CX3CR1: variants seen among roughly 807,000 people sequenced by gnomAD.
CX3CR1 encodes C-X3-C motif chemokine receptor 1.
For synonymous variants in CX3CR1, 168 were observed against 178.5 expected, an observed-to-expected ratio of 0.94 and a Z score of 0.47; for missense variants, 363 against 432.4, an observed-to-expected ratio of 0.84 and a Z score of 1.42.
chr3:39,283,524 G>C (rs1239666266), upstream of CX3CR1, among the ~76,000 whole-genome samples: 1 of 151,912 alleles, frequency 6.6e-6, no homozygotes, highest in Non-Finnish European at 1.5e-5. Flanking sequence ...GCTCACGCCT[G>C]TAATTCCAGC....
At chr3:39,269,318 G>T (rs2040745354) in intron 1 of CX3CR1, among the ~76,000 whole-genome samples, 1 of 152,172 alleles carries the variant, frequency 6.6e-6, no homozygotes, top group South Asian at 2.1e-4. Context: ...CAGGCCCTTT[G>T]CCTTACTGGG....
upstream of CX3CR1, chr3:39,280,317 T>C (rs2040881012): frequency 3.0e-6 from 3 of 985,364 alleles, no homozygotes; most frequent in Non-Finnish European, 3.6e-6. Context: ...TCAGCTCTCA[T>C]TAATGGGGAG....
intron 1 of CX3CR1, among the ~76,000 whole-genome samples, chr3:39,267,627 G>T (rs2040720963): frequency 1.3e-5 from 2 of 152,306 alleles, no homozygotes; most frequent in East Asian, 1.9e-4. Context: ...GCTAAGTGAA[G>T]AGAAGGTGTT....
intron 1 of CX3CR1, among the ~76,000 whole-genome samples, chr3:39,276,961 C>T (rs1271794345): frequency 1.3e-5 from 2 of 152,146 alleles, no homozygotes; most frequent in Non-Finnish European, 2.9e-5. Context: ...TTCTCTTTCT[C>T]AGCCTGGATG....
intron 1 of CX3CR1, among the ~76,000 whole-genome samples, chr3:39,276,309 C>T (rs952573994): frequency 6.6e-6 from 1 of 152,224 alleles, no homozygotes; most frequent in African/African-American, 2.4e-5. Flanking sequence ...TAGACACACA[C>T]TGAAGATTAC....
upstream of CX3CR1, chr3:39,280,469 G>C (rs778253346): frequency 3.3e-4 from 328 of 985,264 alleles, no homozygotes; most frequent in Non-Finnish European, 3.7e-4. Context: ...GCTTATTAAA[G>C]ACAGCACCTC....
chr3:39,286,156 C>T (rs2125559272), upstream of CX3CR1: 1 of 152,328 alleles, frequency 6.6e-6, no homozygotes, highest in African/African-American at 2.4e-5. Context: ...TAAACTATTG[C>T]TTTCAGGATT....
the CX3CR1 span, among the ~76,000 whole-genome samples, chr3:39,291,363 T>C: frequency 6.6e-6 from 1 of 152,184 alleles, no homozygotes; most frequent in Non-Finnish European, 1.5e-5. Context: ...AGCCCATAAT[T>C]GACTATTTTG....
At chr3:39,280,717 G>A (rs1010035936), upstream of CX3CR1, among the ~76,000 whole-genome samples, 5 of 152,166 alleles carry the variant, frequency 3.3e-5, no homozygotes, top group African/African-American at 1.2e-4. Context: ...CCTGGCCTAT[G>A]CTCCTTTCAC....
chr3:39,266,845 C>T (rs375948427), intron 1 of CX3CR1, among the ~76,000 whole-genome samples: 6 of 151,566 alleles, frequency 4.0e-5, no homozygotes, highest in African/African-American at 7.3e-5. Flanking sequence ...TGCAGTGGTG[C>T]GATCTCAGCT....
rs2040680690 is a variant in CX3CR1, at chr3:39,265,363, A to G, written c.*79T>C. The G allele has an allele frequency of 1.4e-6, 2 of 1,443,720 alleles. No homozygotes were observed. The highest frequency in any genetic ancestry group is 1.9e-6 in the Non-Finnish European group (2 of 1,070,178). 89.4% of individuals were successfully genotyped at this position (1,443,720 alleles called of 1,614,324 possible). A position where few individuals can be genotyped will look rare whatever the true frequency, so the allele number is the denominator to read the frequency against. ...CATTTTGTGCCTGTAAGAAATAACA[A>G]CAAAAATCTTTCCTCACTAGTCAGC... On this transcript the variant is annotated 3_prime_UTR_variant, in exon 2 of 2. Coordinates refer to ENST00000399220, the MANE Select transcript of CX3CR1 (RefSeq NM_001337.4).
rs75128263 is a variant in CX3CR1 at position 39,270,727 on chromosome 3, G to A, written c.-9-4209C>T. On this transcript the variant is annotated intron_variant, in intron 1 of 1. Coordinates refer to ENST00000399220, the MANE Select transcript of CX3CR1 (RefSeq NM_001337.4). ...GAAGGATTGAGGATATGGGAAAGGA[G>A]ACAGTTTTTATGGTAAACTTTTGGA... Among the ~76,000 whole-genome samples the A allele has an allele frequency of 4.5e-4, 69 of 152,336 alleles. 1 individual carries two copies. In the East Asian group the frequency reaches 0.011, roughly 24 times the overall value.
Position 39,266,067 on chromosome 3 carries a change from G to A in CX3CR1, c.443C>T (p.Thr148Ile). Reference sequence around the variant, plus strand: ...TGCTGCCCAGACGCCTAGGCTGATGGTGACGCCATGCTGCACGGTCCGGTT... The same window carrying A: ...TGCTGCCCAGACGCCTAGGCTGATGATGACGCCATGCTGCACGGTCCGGTT... The part of the protein sequence containing the change: ...MNNRTVQHGV[T>I]ISLGVWAAAI... The change falls in exon 2 of 2, where the codon ACC becomes ATC. Residue 148 changes from threonine to isoleucine, a missense_variant. By Grantham distance (89) the Thr-to-Ile change is moderately conservative. Coordinates refer to ENST00000399220, the MANE Select transcript of CX3CR1 (RefSeq NM_001337.4). 6.2e-7 allele frequency: 1 copy of A among 1,614,222 alleles called. No individual in the cohort carries two copies. Among genetic ancestry groups the A allele is most frequent in the Non-Finnish European group, 8.5e-7 (1 of 1,180,048 alleles).
At chr3:39,271,659 T>C (rs1944385950) in intron 1 of CX3CR1, among the ~76,000 whole-genome samples, 1 of 152,238 alleles carries the variant, frequency 6.6e-6, no homozygotes, top group African/African-American at 2.4e-5. Context: ...TTTGCCTGGT[T>C]CTGAAGAGAC....
chr3:39,269,668 C>T (rs1233308325), intron 1 of CX3CR1, among the ~76,000 whole-genome samples: 2 of 152,190 alleles, frequency 1.3e-5, no homozygotes, highest in Non-Finnish European at 2.9e-5. Flanking sequence ...TGCTCCCTGC[C>T]ATCCAGGGGG....
intron 1 of CX3CR1, among the ~76,000 whole-genome samples, chr3:39,279,329 T>C (rs1033795386): frequency 4.6e-5 from 7 of 152,242 alleles, no homozygotes; most frequent in African/African-American, 1.7e-4. Flanking sequence ...TATCTAAATG[T>C]TATACATATT....
At chr3:39,266,665 G>C (rs746845245) in intron 1 of CX3CR1, 147 bp from the exon 2 acceptor site, 1 of 816,524 alleles carries the variant, frequency 1.2e-6, no homozygotes, top group Non-Finnish European at 2.2e-6. Flanking sequence ...TTGCCATCTT[G>C]TTTAATCCCC....
the CX3CR1 span, among the ~76,000 whole-genome samples, chr3:39,290,896 G>T: frequency 1.3e-4 from 19 of 151,968 alleles, no homozygotes; most frequent in South Asian, 1.0e-3. Context: ...ACTCCAGCCT[G>T]GGGGGACACT....
Position 39,264,389 on chromosome 3 carries a change from A to C in CX3CR1, c.*1053T>G, listed in dbSNP as rs1468118012. On this transcript the variant is annotated 3_prime_UTR_variant, in exon 2 of 2. Transcript: ENST00000399220. ...AAGGTACCTTATCCCTCTTCTACAG[A>C]CCAGGAAACTGAAGCTTGATTTGTC... 6.6e-6 allele frequency: 1 copy of C among 152,266 alleles called. No homozygotes were observed. Among genetic ancestry groups the C allele is most frequent in the East Asian group, 1.9e-4 (1 of 5,208 alleles). 9.4% of individuals were successfully genotyped at this position (152,266 alleles called of 1,614,324 possible). A position where few individuals can be genotyped will look rare whatever the true frequency, so the allele number is the denominator to read the frequency against.
Sources: allele counts gnomAD v4.1 joint callset (sites outside exome capture counted in the v4.1 genomes callset), GRCh38; gene constraint gnomAD v4.1.1; transcripts MANE v1.5; gene names NCBI Gene and HGNC (gene_info 2026-07-23, HGNC 2026-07-21).